The following AP3D1 variants were observed in gnomAD, a reference collection of about 807,000 sequenced individuals.
The protein encoded by AP3D1 is adaptor related protein complex 3 subunit delta 1.
In AP3D1, 51 loss-of-function variants were observed where a neutral mutation model predicts 147.6. That is an observed-to-expected ratio of 0.35 (90% CI 0.28 to 0.44). The LOEUF is 0.44. AP3D1 is among the 20% of genes least tolerant of loss of function. The pLI is 1.00. For synonymous variants in AP3D1, 760 were observed against 663.0 expected, an observed-to-expected ratio of 1.15 and a Z score of -2.25; for missense variants, 1,421 against 1,624.2, an observed-to-expected ratio of 0.87 and a Z score of 2.15.
At chr19:2,158,922 C>T (rs139981461) in intron 1 of AP3D1, among the ~76,000 whole-genome samples, 401 of 152,264 alleles carry the variant, frequency 2.6e-3, no homozygotes, top group Non-Finnish European at 3.2e-3. Flanking sequence ...CAGGAATGAA[C>T]AAGGACAGCT....
At position 2,118,625 on chromosome 19, in the gene AP3D1, G is replaced by A. The variant is rs528996823; in HGVS notation, c.1689C>T (p.Ser563=). ...CCCGCTCCTGCACCTCCAGGTCTGC[G>A]CTCTGCACAAACTGGGGCAGCCGGT... is the stretch of plus-strand genomic sequence containing the variant. ...MVDRLPQFVQ[S]ADLEVQERAS... The change falls in exon 15 of 32, where the codon AGC becomes AGT. Residue 563 remains serine (S), a synonymous_variant. Transcript: ENST00000643116. The A allele has an allele frequency of 1.7e-5, 28 of 1,611,150 alleles. No individual in the cohort carries two copies. The East Asian group carries it at 3.3e-4, about 19-fold the overall frequency.
Position 2,114,854 on chromosome 19 carries a change from C to A in AP3D1, c.2350-33G>T, listed in dbSNP as rs117598872. On this transcript the variant is annotated intron_variant, in intron 20 of 31. Coordinates refer to ENST00000643116, the MANE Select transcript of AP3D1 (RefSeq NM_001261826.3). The stretch of plus-strand genomic sequence containing the variant: ...GAAGAGAGGAACCCCATCACTGGAA[C>A]CCGCCCTTGTGGCCTGGTGGAACGC... 1.9e-3 allele frequency: 3,115 copies of A among 1,611,400 alleles called. 4 individuals carry two copies. Among genetic ancestry groups the A allele is most frequent in the Non-Finnish European group, 2.5e-3 (2,886 of 1,177,726 alleles).
intron 20 of AP3D1, 114 bp downstream of exon 20, chr19:2,115,105 G>C (rs879245317): frequency 8.7e-7 from 1 of 1,143,374 alleles, no homozygotes; most frequent in Non-Finnish European, 1.2e-6. Context: ...CCGGGGTGGG[G>C]CCTCATCCCA....
At position 2,115,518 on chromosome 19, in the gene AP3D1, G is replaced by C; in HGVS notation, c.2149+20C>G. On this transcript the variant is annotated intron_variant, in intron 19 of 31. Transcript: ENST00000643116. ...CAGCCCATGTGACAAATGCGGCGCC[G>C]ACACACCGGAGACACTTGCCTGGAA... The C allele has an allele frequency of 6.2e-7, 1 of 1,612,068 alleles. No individual in the cohort carries two copies. The highest frequency in any genetic ancestry group is 1.1e-5 in the South Asian group (1 of 91,042).
chr19:2,154,792 A>G (rs1313690969), upstream of AP3D1, among the ~76,000 whole-genome samples: 2 of 152,250 alleles, frequency 1.3e-5, no homozygotes, highest in Non-Finnish European at 2.9e-5. Flanking sequence ...CTGGCTCCCC[A>G]GTCAGTCTAT....
rs551659348 is a variant in AP3D1, at chr19:2,123,863, G to C, written c.873C>G (p.Ser291=). 21 of 1,578,248 alleles carry C rather than the reference G, an allele frequency of 1.3e-5. No homozygotes were observed. In the East Asian group the frequency reaches 4.7e-4, roughly 35 times the overall value. The change falls in exon 10 of 32, where the codon TCC becomes TCG. Residue 291 remains serine, a synonymous_variant. Transcript: ENST00000643116. The part of the protein sequence containing the change: ...NTVIAVLISL[S]SGMPNHSASI... Reference sequence around the variant, plus strand: ...TGGCGCTGTGGTTGGGCATGCCGGAGGACAGCGAGATGAGCACTGCAACAG... The same window carrying C: ...TGGCGCTGTGGTTGGGCATGCCGGACGACAGCGAGATGAGCACTGCAACAG...
chr19:2,105,963 C>T (rs989409277), intron 31 of AP3D1, among the ~76,000 whole-genome samples: 10 of 152,160 alleles, frequency 6.6e-5, no homozygotes, highest in South Asian at 2.1e-4. Flanking sequence ...CAGGCGTGGT[C>T]GTGGGCACCT....
chr19:2,104,707 C>T (rs1046523466), intron 31 of AP3D1, among the ~76,000 whole-genome samples: 4 of 144,526 alleles, frequency 2.8e-5, no homozygotes, highest in African/African-American at 1.1e-4. Flanking sequence ...CACTCTGTTG[C>T]CCAGGCTAGA....
At chr19:2,160,958 G>A (rs576043038) in intron 1 of AP3D1, among the ~76,000 whole-genome samples, 3 of 152,058 alleles carry the variant, frequency 2.0e-5, no homozygotes, top group African/African-American at 2.4e-5. Flanking sequence ...ATCACCCCTG[G>A]TTGAGACCGC....
chr19:2,105,508 AT>A (rs2018085349), intron 31 of AP3D1, among the ~76,000 whole-genome samples: 1 of 152,212 alleles, frequency 6.6e-6, no homozygotes, highest in African/African-American at 2.4e-5. Flanking sequence ...CGGCCCATCC[AT>A]TCGTTTCCCG....
chr19:2,109,668 C>G, intron 29 of AP3D1: 1 of 588,112 alleles, frequency 1.7e-6, no homozygotes, highest in Non-Finnish European at 3.0e-6. Context: ...CTATGGGTGA[C>G]GCTGCCTGGC....
At chr19:2,120,815 C>G in intron 14 of AP3D1, 47 bp downstream of exon 14, 1 of 1,570,234 alleles carries the variant, frequency 6.4e-7, no homozygotes, top group Non-Finnish European at 8.7e-7. Flanking sequence ...CCCTACCCCT[C>G]AGAAGCTTGG....
chr19:2,113,983 G>A (rs572312066), intron 22 of AP3D1, 142 bp downstream of exon 22: 10 of 1,407,846 alleles, frequency 7.1e-6, no homozygotes, highest in African/African-American at 4.4e-5. Flanking sequence ...TCCTCACTCC[G>A]CCGGGGCACA....
intron 31 of AP3D1, among the ~76,000 whole-genome samples, chr19:2,106,007 G>A (rs2018101521): frequency 1.3e-5 from 2 of 152,130 alleles, no homozygotes; most frequent in Admixed American, 1.3e-4. Context: ...TGAGGCAGGA[G>A]AATCGCTTGA....
upstream of AP3D1, among the ~76,000 whole-genome samples, chr19:2,151,987 C>A (rs1444285147): frequency 1.3e-5 from 2 of 152,366 alleles, no homozygotes; most frequent in East Asian, 1.9e-4. Context: ...CCAAACCCAA[C>A]TCCTGGGTGG....
Position 2,109,044 on chromosome 19 carries a change from G to A in AP3D1, c.3472+42C>T, listed in dbSNP as rs749841187. On this transcript the variant is annotated intron_variant, in intron 30 of 31. Coordinates refer to ENST00000643116, the MANE Select transcript of AP3D1 (RefSeq NM_001261826.3). ...ATAGGAAGGGACAGCTGCCGCGTGC[G>A]TGAAAGCCCCGTGCAATCCATCAGC... The A allele has an allele frequency of 2.9e-5, 47 of 1,601,274 alleles. 1 individual carries two copies. The highest frequency in any genetic ancestry group is 4.5e-5 in the South Asian group (4 of 89,174).
At chr19:2,132,215 C>T (rs560979932) in intron 5 of AP3D1, among the ~76,000 whole-genome samples, 9 of 152,272 alleles carry the variant, frequency 5.9e-5, no homozygotes, top group East Asian at 3.9e-4. Context: ...CATCCCCCAC[C>T]GTGCCTGGCC....
At chr19:2,136,705 G>A (rs907488068) in intron 4 of AP3D1, among the ~76,000 whole-genome samples, 3 of 152,200 alleles carry the variant, frequency 2.0e-5, no homozygotes, top group Admixed American at 1.3e-4. Context: ...GTGGGTGACC[G>A]CAGAGGCCAG....
chr19:2,120,246 C>T lies in AP3D1; in HGVS notation c.1481+616G>A, dbSNP rs563772525. ...CAACACATTCCCACCTCCAGGCAGG[C>T]CCGGTGACCCGAGCCTGCCCAGCAG... is the stretch of plus-strand genomic sequence containing the variant. On this transcript the variant is annotated intron_variant, in intron 14 of 31. Transcript: ENST00000643116. 2.0e-5 allele frequency among the ~76,000 whole-genome samples: 3 copies of T among 152,342 alleles called. No homozygotes were observed. The East Asian group carries it at 5.8e-4, about 29-fold the overall frequency.
Sources: gnomAD v4.1 joint callset for allele counts (sites outside exome capture counted in the v4.1 genomes callset) on GRCh38, gnomAD v4.1.1 for gene constraint, MANE v1.5 for transcripts, NCBI Gene and HGNC (gene_info 2026-07-23, HGNC 2026-07-21) for gene names.